The following GRIA3 variants were observed in gnomAD, a reference collection of about 807,000 sequenced individuals.
GRIA3 encodes glutamate ionotropic receptor AMPA type subunit 3.
A neutral mutation model predicts 63.0 loss-of-function variants in GRIA3; 3 were observed. The ratio of observed to expected loss-of-function variants is 0.05; its 90% confidence interval spans 0.02 to 0.12. The LOEUF is 0.12. Ranked by LOEUF, GRIA3 falls within the 10% of genes least tolerant of loss-of-function variation. The probability of loss-of-function intolerance (pLI) is 1.00; values close to 1 mark genes in which losing one functional copy is unlikely to be tolerated. For missense variants in GRIA3, 347 were observed against 700.9 expected, an observed-to-expected ratio of 0.50 and a Z score of 5.70; for synonymous variants, 274 against 257.9, an observed-to-expected ratio of 1.06 and a Z score of -0.60.
chrX:123,367,748 G>C (rs1181877850), intron 5 of GRIA3, among the ~76,000 whole-genome samples: 7 of 111,116 alleles, frequency 6.3e-5, no homozygotes, highest in African/African-American at 2.3e-4. Context: ...TCTGGATGTT[G>C]TTTGTTTGTT....
At chrX:123,399,782 G>T (rs2045435069) in intron 7 of GRIA3, among the ~76,000 whole-genome samples, 1 of 111,905 alleles carries the variant, frequency 8.9e-6, no homozygotes, top group Admixed American at 9.5e-5. Flanking sequence ...ATTTTGTGTA[G>T]CTGGCTCTCT....
At chrX:123,467,518 A>G (rs2045840881) in intron 13 of GRIA3, among the ~76,000 whole-genome samples, 1 of 112,326 alleles carries the variant, frequency 8.9e-6, no homozygotes, top group Admixed American at 9.5e-5. Context: ...TTGATGGCCA[A>G]AGTATTTAGC....
intron 11 of GRIA3, among the ~76,000 whole-genome samples, chrX:123,423,339 G>T (rs2045572640): frequency 8.9e-6 from 1 of 111,815 alleles, no homozygotes; most frequent in Non-Finnish European, 1.9e-5. Flanking sequence ...AATAATAAAA[G>T]ACATGAAGGG....
intron 4 of GRIA3, among the ~76,000 whole-genome samples, chrX:123,343,987 A>T (rs966926929): frequency 9.0e-6 from 1 of 111,266 alleles, no homozygotes; most frequent in Admixed American, 9.6e-5. Context: ...GTCTCACAAT[A>T]ACCCTAAAAG....
chrX:123,474,987 T>C (rs1332983506), intron 13 of GRIA3, among the ~76,000 whole-genome samples: 1 of 111,826 alleles, frequency 8.9e-6, no homozygotes, highest in Non-Finnish European at 1.9e-5. Flanking sequence ...CTTCAAAAAA[T>C]GAACTCATTA....
intron 2 of GRIA3, among the ~76,000 whole-genome samples, chrX:123,239,296 C>T (rs1045372368): frequency 3.6e-5 from 4 of 110,628 alleles, no homozygotes; most frequent in Non-Finnish European, 7.6e-5. Flanking sequence ...TTTATCTGAC[C>T]TGTGTCCTGT....
chrX:123,338,521 G>A (rs1402406901), intron 4 of GRIA3, among the ~76,000 whole-genome samples: 1 of 112,153 alleles, frequency 8.9e-6, no homozygotes, highest in African/African-American at 3.2e-5. Context: ...ATGCATGCGT[G>A]ACAATTTCAT....
chrX:123,321,478 G>A (rs1283949824), intron 3 of GRIA3, among the ~76,000 whole-genome samples: 2 of 111,718 alleles, frequency 1.8e-5, no homozygotes, highest in African/African-American at 6.5e-5. Context: ...TGCACAACAG[G>A]AACAAAATTA....
At chrX:123,435,653 A>C (rs750490787) in intron 12 of GRIA3, among the ~76,000 whole-genome samples, 1 of 112,306 alleles carries the variant, frequency 8.9e-6, no homozygotes, top group East Asian at 2.8e-4. Flanking sequence ...AAAGGGTTCC[A>C]AGATAAGAAG....
At chrX:123,236,340 T>C (rs1178129866) in intron 2 of GRIA3, among the ~76,000 whole-genome samples, 1 of 111,673 alleles carries the variant, frequency 9.0e-6, no homozygotes, top group Non-Finnish European at 1.9e-5. Flanking sequence ...AGCATTGCTT[T>C]GTGGAGCCTA....
chrX:123,279,385 AAATAAT>A (rs953125525), intron 3 of GRIA3, among the ~76,000 whole-genome samples: 1 of 112,055 alleles, frequency 8.9e-6, no homozygotes, highest in Non-Finnish European at 1.9e-5. Flanking sequence ...CTTACCACAA[AAATAAT>A]AATAATAAAT....
At chrX:123,186,540 G>T (rs1927282967) in intron 2 of GRIA3, among the ~76,000 whole-genome samples, 2 of 111,504 alleles carry the variant, frequency 1.8e-5, no homozygotes, top group Admixed American at 1.9e-4. Flanking sequence ...AGAACAGGCT[G>T]GGTTCCCTGG....
chrX:123,462,862 A>C (rs2045800767), intron 12 of GRIA3, among the ~76,000 whole-genome samples: 1 of 111,991 alleles, frequency 8.9e-6, no homozygotes, highest in Admixed American at 9.5e-5. Context: ...CTGGTCAAGT[A>C]TCACCTTAGA....
intron 11 of GRIA3, among the ~76,000 whole-genome samples, chrX:123,423,471 A>T (rs564127501): frequency 1.4e-4 from 16 of 112,358 alleles, no homozygotes; most frequent in African/African-American, 5.2e-4. Flanking sequence ...AGTAGTAGTG[A>T]TGTAATAATA....
intron 10 of GRIA3, among the ~76,000 whole-genome samples, chrX:123,413,339 G>C (rs753306760): frequency 4.2e-4 from 46 of 108,625 alleles, no homozygotes; most frequent in African/African-American, 1.4e-3. Flanking sequence ...CTATCTTTTA[G>C]ACTTAAAAGA....
chrX:123,388,494 G>A (rs1158041549), intron 5 of GRIA3, among the ~76,000 whole-genome samples: 5 of 111,813 alleles, frequency 4.5e-5, no homozygotes, highest in East Asian at 2.8e-4. Flanking sequence ...TGGTCCACCC[G>A]CCTTGGCCTC....
At chrX:123,486,838 C>T (rs925211822) in intron 15 of GRIA3, among the ~76,000 whole-genome samples, 1 of 112,198 alleles carries the variant, frequency 8.9e-6, no homozygotes, top group African/African-American at 3.2e-5. Context: ...GATTTTACTT[C>T]TATTACTAAT....
At position 123,310,173 on chromosome X, in the gene GRIA3, C is replaced by A. The variant is rs192476246; in HGVS notation, c.509-15853C>A. 3.4e-3 allele frequency among the ~76,000 whole-genome samples: 385 copies of A among 112,686 alleles called. 2 individuals are homozygous for A. The highest frequency in any genetic ancestry group is 5.1e-3 in the Non-Finnish European group (271 of 53,307). On this transcript the variant is annotated intron_variant, in intron 3 of 15. Coordinates refer to ENST00000620443, the MANE Select transcript of GRIA3 (RefSeq NM_007325.5). ...TCATTTTATTCAAATAAATTCCTAGCCAGTATGGTTTCCCAGAAGTCCATC... is the reference window on the plus strand; with the variant it reads ...TCATTTTATTCAAATAAATTCCTAGACAGTATGGTTTCCCAGAAGTCCATC...
chrX:123,295,670 A>C (rs1356264108), intron 3 of GRIA3, among the ~76,000 whole-genome samples: 7 of 111,462 alleles, frequency 6.3e-5, no homozygotes. Context: ...GCTGACTCAG[A>C]ATTGGGATCT....
Sources: allele counts gnomAD v4.1 joint callset (sites outside exome capture counted in the v4.1 genomes callset), GRCh38; gene constraint gnomAD v4.1.1; transcripts MANE v1.5; gene names NCBI Gene and HGNC (gene_info 2026-07-23, HGNC 2026-07-21).